CHST10: variants seen among roughly 807,000 people sequenced by gnomAD.
The protein encoded by CHST10 is HNK-1 sulfotransferase.
A neutral mutation model predicts 34.7 loss-of-function variants in CHST10; 24 were observed. That is an observed-to-expected ratio of 0.69 (90% confidence interval 0.50 to 0.97). The LOEUF is 0.97. CHST10 is among the 50% of genes least tolerant of loss of function. The probability of loss-of-function intolerance (pLI) is 0.00; values close to 1 mark genes in which losing one functional copy is unlikely to be tolerated. For missense variants in CHST10, 402 were observed against 452.1 expected (o/e 0.89, Z 1.00); for synonymous variants, 161 against 169.3 (o/e 0.95, Z 0.38).
intron 5 of CHST10, among the ~76,000 whole-genome samples, chr2:100,396,139 A>AGGCTTT (rs1351608197): frequency 2.6e-5 from 4 of 152,228 alleles, no homozygotes; most frequent in African/African-American, 9.6e-5. Context: ...CAGGTACCCC[A>AGGCTTT]GCAGCATCCC....
At position 100,400,974 on chromosome 2, in the gene CHST10, C is replaced by T. The variant is rs573053003; in HGVS notation, c.192+1590G>A. On this transcript the variant is annotated intron_variant, in intron 4 of 6. Coordinates refer to ENST00000264249, the MANE Select transcript of CHST10 (RefSeq NM_004854.5). ...GGGATAACAGGAGTGAGGCACCGCA[C>T]CTGGCCAAAATAAACTTTTAAAGGT... Among the ~76,000 whole-genome samples, 232 of 152,352 alleles carry T rather than the reference C, an allele frequency of 1.5e-3. 3 individuals are homozygous for T. The highest frequency in any genetic ancestry group is 5.4e-3 in the African/African-American group (224 of 41,580).
At position 100,398,065 on chromosome 2, in the gene CHST10, G is replaced by A. The variant is rs148626049; in HGVS notation, c.270C>T (p.Asn90=). 5.9e-5 allele frequency: 96 copies of A among 1,614,064 alleles called. No individual in the cohort carries two copies. The highest frequency in any genetic ancestry group is 1.6e-4 in the Middle Eastern group (1 of 6,084). ...VYMERLELIR[N]VCRDDALKNL... ...TCTTCAGGGCATCATCCCTGCAGAC[G>A]TTTCTGATGAGTTCCAGGCGCTCCA... The change falls in exon 5 of 7, where the codon AAC becomes AAT. Residue 90 remains asparagine, a synonymous_variant. Coordinates refer to ENST00000264249, the MANE Select transcript of CHST10 (RefSeq NM_004854.5).
chr2:100,403,249 A>G (rs1252934607), intron 3 of CHST10, among the ~76,000 whole-genome samples: 1 of 152,216 alleles, frequency 6.6e-6, no homozygotes, highest in East Asian at 1.9e-4. Flanking sequence ...CTCAGAACCA[A>G]TGAGGAAGTC....
chr2:100,413,290 G>A (rs940269215), intron 2 of CHST10, among the ~76,000 whole-genome samples: 9 of 152,136 alleles, frequency 5.9e-5, no homozygotes, highest in Admixed American at 2.0e-4. Flanking sequence ...GCCCCTACAC[G>A]CCCTCCCTTC....
chr2:100,406,177 G>A (rs572662831), intron 3 of CHST10, among the ~76,000 whole-genome samples: 39 of 152,202 alleles, frequency 2.6e-4, no homozygotes, highest in African/African-American at 9.4e-4. Context: ...GCCACCACAC[G>A]GGCATGCCAA....
Position 100,393,011 on chromosome 2 carries a change from G to T in CHST10, c.*234C>A, listed in dbSNP as rs1674865045. The T allele has an allele frequency of 3.5e-6, 2 of 565,800 alleles. No homozygotes were observed. Among genetic ancestry groups the T allele is most frequent in the African/African-American group, 1.9e-5 (1 of 53,266 alleles). The allele number at this position is 565,800 out of a possible 1,614,324, so 35.0% of individuals were successfully genotyped here. On this transcript the variant is annotated 3_prime_UTR_variant, in exon 7 of 7. Coordinates refer to ENST00000264249, the MANE Select transcript of CHST10 (RefSeq NM_004854.5). ...CCCTCTGAGGTGAGCAAAGGCCAGCGACATCCTAATGCACGCAGGGGTGTG... is the reference window on the plus strand; with the variant it reads ...CCCTCTGAGGTGAGCAAAGGCCAGCTACATCCTAATGCACGCAGGGGTGTG...
Position 100,393,085 on chromosome 2 carries a change from G to A in CHST10, c.*160C>T. 1.5e-6 allele frequency: 1 copy of A among 682,198 alleles called. No homozygotes were observed. The highest frequency in any genetic ancestry group is 2.7e-5 in the East Asian group (1 of 37,160). 42.3% of individuals were successfully genotyped at this position (682,198 alleles called of 1,614,324 possible). A position where few individuals can be genotyped will look rare whatever the true frequency, so the allele number is the denominator to read the frequency against. Reference sequence around the variant, plus strand: ...CATCCAAACTAAGTTGTAACAGTTGGGGTTCTGCGTCATATGCCGAGGCAA... The same window carrying A: ...CATCCAAACTAAGTTGTAACAGTTGAGGTTCTGCGTCATATGCCGAGGCAA... On this transcript the variant is annotated 3_prime_UTR_variant, in exon 7 of 7. Coordinates refer to ENST00000264249, the MANE Select transcript of CHST10 (RefSeq NM_004854.5).
Position 100,392,949 on chromosome 2 carries a change from G to C in CHST10, c.*296C>G. 1 of 396,700 alleles carries C rather than the reference G, an allele frequency of 2.5e-6. No individual in the cohort carries two copies. Among genetic ancestry groups the C allele is most frequent in the Non-Finnish European group, 4.6e-6 (1 of 216,190 alleles). 24.6% of individuals were successfully genotyped at this position (396,700 alleles called of 1,614,324 possible). On this transcript the variant is annotated 3_prime_UTR_variant, in exon 7 of 7. Transcript: ENST00000264249. ...TAACGCTGTGTGATGCTTCCTCCCT[G>C]CTGGGCTGTCAAACTGCAAATCTTT...
At chr2:100,412,854 A>C (rs10183063) in intron 2 of CHST10, among the ~76,000 whole-genome samples, 24,699 of 152,158 alleles carry the variant, frequency 0.16, 4,629 homozygotes, top group African/African-American at 0.45. Flanking sequence ...ACTCTCCTTT[A>C]CAGCCCTCCC....
chr2:100,414,457 C>T (rs2104269021), intron 2 of CHST10, among the ~76,000 whole-genome samples: 1 of 152,272 alleles, frequency 6.6e-6, no homozygotes, highest in South Asian at 2.1e-4. Flanking sequence ...CAGACCAGGG[C>T]TGCAGAAACG....
intron 5 of CHST10, among the ~76,000 whole-genome samples, chr2:100,396,218 T>C (rs1675051594): frequency 2.0e-5 from 3 of 152,118 alleles, no homozygotes; most frequent in African/African-American, 7.3e-5. Flanking sequence ...CTGTGATACA[T>C]TTGAGACAGG....
At chr2:100,396,905 T>C (rs1675083238) in intron 5 of CHST10, among the ~76,000 whole-genome samples, 1 of 152,242 alleles carries the variant, frequency 6.6e-6, no homozygotes, top group South Asian at 2.1e-4. Flanking sequence ...TGCAGCCTCA[T>C]TCTGCTTCTG....
At chr2:100,406,420 G>A (rs990502742) in intron 3 of CHST10, among the ~76,000 whole-genome samples, 156 bp downstream of exon 3, 1 of 152,064 alleles carries the variant, frequency 6.6e-6, no homozygotes, top group African/African-American at 2.4e-5. Context: ...TCACACCTCT[G>A]TAACATGAAG....
chr2:100,394,867 G>C (rs1196441937), intron 6 of CHST10, among the ~76,000 whole-genome samples: 1 of 151,124 alleles, frequency 6.6e-6, no homozygotes, highest in Non-Finnish European at 1.5e-5. Context: ...AGGACTACAC[G>C]TGTGTGCCAC....
At chr2:100,404,772 T>C (rs983455525) in intron 3 of CHST10, among the ~76,000 whole-genome samples, 8 of 152,230 alleles carry the variant, frequency 5.3e-5, no homozygotes, top group Admixed American at 5.2e-4. Context: ...GAAGTCTCAC[T>C]AAAATGTATT....
intron 3 of CHST10, 91 bp downstream of exon 3, chr2:100,406,483 CTG>C: frequency 2.0e-6 from 3 of 1,505,712 alleles, no homozygotes; most frequent in Non-Finnish European, 2.7e-6. Context: ...TCCTTTGACT[CTG>C]TGACAGAAGT....
chr2:100,414,833 T>C (rs1228563525), intron 2 of CHST10, among the ~76,000 whole-genome samples: 2 of 152,200 alleles, frequency 1.3e-5, no homozygotes, highest in East Asian at 3.8e-4. Flanking sequence ...GTTCACTCTG[T>C]ACCAAGCACA....
intron 1 of CHST10, 44 bp downstream of exon 1, chr2:100,417,330 G>T (rs1247920402): frequency 2.9e-6 from 1 of 346,034 alleles, no homozygotes; most frequent in Non-Finnish European, 5.7e-6. Flanking sequence ...GGGGAGAGGG[G>T]CCCAGGCGCT....
intron 4 of CHST10, 41 bp from the exon 5 acceptor site, chr2:100,398,183 A>G (rs1675163697): frequency 2.7e-6 from 4 of 1,505,330 alleles, no homozygotes; most frequent in Non-Finnish European, 3.6e-6. Flanking sequence ...GGGACCATTA[A>G]AGGAGGCAGG....
Sources: allele counts gnomAD v4.1 joint callset (sites outside exome capture counted in the v4.1 genomes callset), GRCh38; gene constraint gnomAD v4.1.1; transcripts MANE v1.5; gene names NCBI Gene and HGNC (gene_info 2026-07-23, HGNC 2026-07-21).